The following STK39 variants were observed in gnomAD, a reference collection of about 807,000 sequenced individuals.
STK39 encodes the protein serine/threonine kinase 39.
A neutral mutation model predicts 77.8 loss-of-function variants in STK39; 20 were observed. That is an observed-to-expected ratio of 0.26 (90% CI 0.18 to 0.37). STK39 has a LOEUF of 0.37. STK39 is among the 10% of genes least tolerant of loss of function. STK39 has a pLI of 1.00. For synonymous variants in STK39, 246 were observed against 234.1 expected, an observed-to-expected ratio of 1.05 and a Z score of -0.47; for missense variants, 479 against 656.5, an observed-to-expected ratio of 0.73 and a Z score of 2.95.
At position 167,966,232 on chromosome 2, in the gene STK39, A is replaced by G. The variant is rs1180641866; in HGVS notation, c.1499-1506T>C. ...CTGTGGCCTTTCAACAGTTTTCTGA[A>G]CATATTTTAGACACTAAAATCATCA... On this transcript the variant is annotated intron_variant, in intron 16 of 17. Transcript: ENST00000355999. Among the ~76,000 whole-genome samples the G allele has an allele frequency of 3.9e-5, 6 of 152,280 alleles. No homozygotes were observed. The East Asian group carries it at 1.2e-3, about 29-fold the overall frequency.
intron 1 of STK39, among the ~76,000 whole-genome samples, chr2:168,243,128 G>A (rs947350051): frequency 4.6e-5 from 7 of 152,110 alleles, no homozygotes; most frequent in Admixed American, 1.3e-4. Flanking sequence ...TCAGTGCTCC[G>A]GCTCCCTTAC....
chr2:168,080,033 A>C (rs1686186349), intron 10 of STK39, among the ~76,000 whole-genome samples: 1 of 152,176 alleles, frequency 6.6e-6, no homozygotes, highest in African/African-American at 2.4e-5. Context: ...TGCAGCTTAC[A>C]GTAGGGCCTC....
chr2:168,182,186 T>C (rs1689097728), intron 1 of STK39, 96 bp from the exon 2 acceptor site: 1 of 910,524 alleles, frequency 1.1e-6, no homozygotes, highest in African/African-American at 1.6e-5. Context: ...TTTAAACTCT[T>C]CTACTCAGCG....
At chr2:168,162,255 C>T (rs1052894104) in intron 4 of STK39, among the ~76,000 whole-genome samples, 7 of 139,698 alleles carry the variant, frequency 5.0e-5, no homozygotes, top group African/African-American at 8.1e-5. Context: ...CACTGCACTC[C>T]AGCCTGGGCA....
At chr2:168,118,550 C>T (rs893342083) in intron 10 of STK39, among the ~76,000 whole-genome samples, 2 of 149,898 alleles carry the variant, frequency 1.3e-5, no homozygotes, top group Non-Finnish European at 3.0e-5. Context: ...ATCCTCTCAG[C>T]TCCCAGTCAA....
chr2:168,192,174 A>G (rs73031025), intron 1 of STK39, among the ~76,000 whole-genome samples: 6,068 of 152,226 alleles, frequency 0.04, 380 homozygotes, highest in African/African-American at 0.14. Context: ...TCCCTCCCAC[A>G]GCCTTCCAAA....
At chr2:167,990,768 C>T (rs4667991) in intron 16 of STK39, among the ~76,000 whole-genome samples, 83,835 of 152,076 alleles carry the variant, frequency 0.55, 24,337 homozygotes, top group African/African-American at 0.66. Context: ...TAATATTTAT[C>T]GGATGTCTAC....
At position 168,167,189 on chromosome 2, in the gene STK39, C is replaced by T. The variant is rs554683609; in HGVS notation, c.430+110G>A. 86 of 910,280 alleles carry T rather than the reference C, an allele frequency of 9.4e-5. No homozygotes were observed. The South Asian group carries it at 1.3e-3, about 14-fold the overall frequency. The allele number at this position is 910,280 out of a possible 1,614,324, so 56.4% of individuals were successfully genotyped here. On this transcript the variant is annotated intron_variant, in intron 3 of 17. Transcript: ENST00000355999. ...TCTAGGCAATGAGAAACCAAACAAA[C>T]TTTCAAACACAGGAGAGAAAGGATT...
Position 167,963,044 on chromosome 2 carries a change from T to A in STK39, c.1563+1618A>T, listed in dbSNP as rs189858218. Among the ~76,000 whole-genome samples, 108 of 152,300 alleles carry A rather than the reference T, an allele frequency of 7.1e-4. 1 individual carries two copies. The highest frequency in any genetic ancestry group is 2.3e-3 in the African/African-American group (97 of 41,556). Reference sequence around the variant, plus strand: ...ACAATAGGGCAGTGGAAACACTGTGTCTACCACATTTTGGGATTGTAGGAG... The same window carrying A: ...ACAATAGGGCAGTGGAAACACTGTGACTACCACATTTTGGGATTGTAGGAG... On this transcript the variant is annotated intron_variant, in intron 17 of 17. Coordinates refer to ENST00000355999, the MANE Select transcript of STK39 (RefSeq NM_013233.3).
intron 1 of STK39, among the ~76,000 whole-genome samples, chr2:168,242,506 G>A (rs746706983): frequency 2.2e-5 from 3 of 134,878 alleles, no homozygotes; most frequent in Middle Eastern, 4.7e-3. Flanking sequence ...CTGAGATGGC[G>A]CCACTGCAAT....
intron 10 of STK39, among the ~76,000 whole-genome samples, chr2:168,106,282 A>G (rs1686970809): frequency 6.6e-6 from 1 of 152,188 alleles, no homozygotes; most frequent in African/African-American, 2.4e-5. Context: ...CTCATCTGCA[A>G]TTCTGAGATA....
intron 14 of STK39, among the ~76,000 whole-genome samples, chr2:168,027,943 G>C (rs1468756388): frequency 6.6e-6 from 1 of 152,124 alleles, no homozygotes; most frequent in African/African-American, 2.4e-5. Context: ...TGAATAAATC[G>C]CATGCAGAAA....
intron 10 of STK39, among the ~76,000 whole-genome samples, chr2:168,112,124 A>T (rs943171062): frequency 1.3e-5 from 2 of 152,014 alleles, no homozygotes; most frequent in Non-Finnish European, 2.9e-5. Flanking sequence ...TAAAGAAAAA[A>T]AAAAAAACAC....
At chr2:168,127,823 C>T (rs1687584593) in intron 10 of STK39, among the ~76,000 whole-genome samples, 1 of 152,062 alleles carries the variant, frequency 6.6e-6, no homozygotes. Context: ...AAATTTATTG[C>T]AATTGTCCAG....
At chr2:167,976,374 T>G (rs1389172470) in intron 16 of STK39, among the ~76,000 whole-genome samples, 1 of 152,238 alleles carries the variant, frequency 6.6e-6, no homozygotes. Context: ...TAATTTTTTC[T>G]GGGCTTAGGC....
At chr2:167,971,587 A>C (rs573048682) in intron 16 of STK39, among the ~76,000 whole-genome samples, 1 of 152,368 alleles carries the variant, frequency 6.6e-6, no homozygotes, top group South Asian at 2.1e-4. Context: ...TTAGGTACAG[A>C]AAGCAGTAGA....
intron 16 of STK39, among the ~76,000 whole-genome samples, chr2:168,009,108 G>C (rs1684204845): frequency 6.6e-6 from 1 of 152,164 alleles, no homozygotes; most frequent in African/African-American, 2.4e-5. Flanking sequence ...TGATAAGAAA[G>C]GAATCAAAGC....
At chr2:168,018,091 T>A (rs1454193477) in intron 14 of STK39, among the ~76,000 whole-genome samples, 1 of 152,162 alleles carries the variant, frequency 6.6e-6, no homozygotes, top group African/African-American at 2.4e-5. Flanking sequence ...TTTTAAGAAA[T>A]GATAATAAGG....
chr2:168,219,823 T>A (rs1172100900), intron 1 of STK39, among the ~76,000 whole-genome samples: 1 of 151,788 alleles, frequency 6.6e-6, no homozygotes, highest in East Asian at 1.9e-4. Flanking sequence ...CAAGTTACCT[T>A]GATATTAAAA....
Sources: allele counts gnomAD v4.1 joint callset (sites outside exome capture counted in the v4.1 genomes callset), GRCh38; gene constraint gnomAD v4.1.1; transcripts MANE v1.5; gene names NCBI Gene and HGNC (gene_info 2026-07-23, HGNC 2026-07-21).